Variants in RRM2 observed in about 807,000 individuals in gnomAD.
RRM2 encodes the protein ribonucleotide reductase regulatory subunit M2.
In RRM2, 6 loss-of-function variants were observed where a neutral mutation model predicts 45.9. The observed-to-expected ratio is 0.13, with a 90% CI of 0.07 to 0.26. RRM2 has a LOEUF of 0.26. Among genes scored for constraint, RRM2 ranks in the 10% least tolerant of loss-of-function variants. RRM2 has a pLI of 1.00. For synonymous variants in RRM2, 177 were observed against 173.0 expected, an observed-to-expected ratio of 1.02 and a Z score of -0.18; for missense variants, 343 against 489.5, an observed-to-expected ratio of 0.70 and a Z score of 2.82.
At chr2:10,179,533 A>G (rs1664000344) in intron 3 of RRM2, among the ~76,000 whole-genome samples, 1 of 152,182 alleles carries the variant, frequency 6.6e-6, no homozygotes, top group Non-Finnish European at 1.5e-5. Context: ...TAGTGTATAG[A>G]TTCTTTTGTG....
chr2:10,142,203 T>A, intron 2 of RRM2: 1 of 1,562,852 alleles, frequency 6.4e-7, no homozygotes. Flanking sequence ...GGAGTGGGTG[T>A]GTACATGCAG....
At chr2:10,148,307 T>C (rs1663234693) in intron 3 of RRM2, among the ~76,000 whole-genome samples, 1 of 152,124 alleles carries the variant, frequency 6.6e-6, no homozygotes, top group Admixed American at 6.5e-5. Context: ...GGTAGATTCA[T>C]TGCTCACTGT....
At position 10,185,278 on chromosome 2, in the gene RRM2, T is replaced by TGAGA. The variant is rs61555678; in HGVS notation, n.483-25019_483-25016dup. On this transcript the variant is annotated intron_variant and non_coding_transcript_variant, in intron 3 of 3. Coordinates refer to the RRM2 transcript ENST00000381786. This position sits in a 1 kb window ranked among gnomAD's most constrained non-coding sequence, Gnocchi z 4.3. The stretch of plus-strand genomic sequence containing the variant: ...GTGAAAGCGAGACAGAGCGTGAGAG[T>TGAGA]GAGAGAGAGAGAGAGAGGCAGGAGA... 6.7e-6 allele frequency among the ~76,000 whole-genome samples: 1 copy of TGAGA among 148,758 alleles called. No homozygotes were observed. The highest frequency in any genetic ancestry group is 1.5e-5 in the Non-Finnish European group (1 of 67,200).
intron 3 of RRM2, among the ~76,000 whole-genome samples, chr2:10,193,534 C>T (rs375018828): frequency 2.0e-5 from 3 of 152,246 alleles, no homozygotes; most frequent in Admixed American, 1.3e-4. Context: ...GCCAGCCGAG[C>T]GCGCCTGCAG....
rs1483990512 is a variant in RRM2 at position 10,122,745 on chromosome 2, C to T, written c.-54C>T. 8.4e-6 allele frequency: 13 copies of T among 1,554,992 alleles called. No individual in the cohort carries two copies. The highest frequency in any genetic ancestry group is 2.0e-5 in the Admixed American group (1 of 51,154). On this transcript the variant is annotated 5_prime_UTR_variant, in exon 1 of 10. Transcript: ENST00000304567. ...CTGGAGTGAGGGGTCGCCCGTGCAC[C>T]CTGTCCCAGCCGTCCTGTCCTGGCT...
Position 10,169,664 on chromosome 2 carries a change from C to G in RRM2, n.482+27289C>G, listed in dbSNP as rs1663756074. Among the ~76,000 whole-genome samples, 1 of 152,160 alleles carries G rather than the reference C, an allele frequency of 6.6e-6. No homozygotes were observed. Among genetic ancestry groups the G allele is most frequent in the Admixed American group, 6.5e-5 (1 of 15,278 alleles). The stretch of plus-strand genomic sequence containing the variant: ...ACGGCCACAGAATATGCGCCCCTTT[C>G]CTGGCCCCCTCGAGGTCTGCACAGC... On this transcript the variant is annotated intron_variant and non_coding_transcript_variant, in intron 3 of 3. Transcript: ENST00000381786. This position sits in a 1 kb window ranked among gnomAD's most constrained non-coding sequence, Gnocchi z 5.1.
At chr2:10,160,355 G>C (rs892851872) in intron 3 of RRM2, among the ~76,000 whole-genome samples, 4 of 152,310 alleles carry the variant, frequency 2.6e-5, no homozygotes, top group Admixed American at 2.0e-4. Context: ...TTAATCCCAG[G>C]GTCCCTGCTG....
intron 4 of RRM2, chr2:10,124,108 CTTTTTTTT>C (rs35723300): frequency 4.0e-6 from 1 of 251,744 alleles, no homozygotes; most frequent in Middle Eastern, 1.4e-3. Context: ...TCTGCCCCCT[CTTTTTTTT>C]TTTTTTTTTG....
chr2:10,181,546 G>T (rs1277340027), intron 3 of RRM2, among the ~76,000 whole-genome samples: 2 of 152,092 alleles, frequency 1.3e-5, no homozygotes, highest in Non-Finnish European at 2.9e-5. Flanking sequence ...CCTTTCTCCA[G>T]TTCAGGCTGG....
chr2:10,198,331 G>C (rs35990371), intron 3 of RRM2, among the ~76,000 whole-genome samples: 10,647 of 152,020 alleles, frequency 0.07, 554 homozygotes, highest in African/African-American at 0.15. Context: ...TTCTAATCCT[G>C]GGAGAAGCCC....
In RRM2 at chr2:10,195,657, C is replaced by G. The variant is rs1458943452; in HGVS notation, n.483-14654C>G. 6.6e-6 allele frequency among the ~76,000 whole-genome samples: 1 copy of G among 152,176 alleles called. No individual in the cohort carries two copies. Among genetic ancestry groups the G allele is most frequent in the Non-Finnish European group, 1.5e-5 (1 of 68,014 alleles). On this transcript the variant is annotated intron_variant and non_coding_transcript_variant, in intron 3 of 3. Transcript: ENST00000381786. This position sits in a 1 kb window ranked among gnomAD's most constrained non-coding sequence, Gnocchi z 4.9. ...GTGAGCCTCGGGTGGACCCATGTGG[C>G]AGACCTGTGAGTTGGTCCCCGACAG...
Position 10,195,116 on chromosome 2 carries a change from G to C in RRM2, n.483-15195G>C, listed in dbSNP as rs1424251439. Among the ~76,000 whole-genome samples the C allele has an allele frequency of 6.6e-6, 1 of 152,174 alleles. No individual in the cohort carries two copies. Among genetic ancestry groups the C allele is most frequent in the Non-Finnish European group, 1.5e-5 (1 of 68,026 alleles). The stretch of plus-strand genomic sequence containing the variant: ...TGGCCTTGGAAAAGGCACTTAGCAG[G>C]GTGGTGAGGGCCACAGGTGTGGTCT... On this transcript the variant is annotated intron_variant and non_coding_transcript_variant, in intron 3 of 3. Transcript: ENST00000381786. The surrounding 1 kb of genome is among the most constrained non-coding windows in gnomAD (Gnocchi z 4.9).
chr2:10,200,473 A>T lies in RRM2; in HGVS notation n.483-9838A>T, dbSNP rs1415766254. The stretch of plus-strand genomic sequence containing the variant: ...GGCCCACAGGGACCGCGCGCGCAAA[A>T]TATGAGGCCCACAGGCACCGCGCAC... On this transcript the variant is annotated intron_variant and non_coding_transcript_variant, in intron 3 of 3. Coordinates refer to the RRM2 transcript ENST00000381786. Among the ~76,000 whole-genome samples the T allele has an allele frequency of 4.6e-3, 292 of 63,150 alleles. 3 individuals carry two copies. Among genetic ancestry groups the T allele is most frequent in the South Asian group, 0.015 (22 of 1,506 alleles). 41.4% of individuals were successfully genotyped at this position (63,150 alleles called of 152,430 possible).
chr2:10,170,412 G>T (rs1027220915), intron 3 of RRM2, among the ~76,000 whole-genome samples: 4 of 152,074 alleles, frequency 2.6e-5, no homozygotes, highest in African/African-American at 9.7e-5. Flanking sequence ...ACGGTCCCTG[G>T]CTCGTGGGCG....
chr2:10,166,898 C>T (rs1023424754), intron 3 of RRM2, among the ~76,000 whole-genome samples: 2 of 152,182 alleles, frequency 1.3e-5, no homozygotes, highest in South Asian at 2.1e-4. Context: ...GGGTTGGGAG[C>T]GTGGCAATGG....
At position 10,195,928 on chromosome 2, in the gene RRM2, G is replaced by A. The variant is rs1279435361; in HGVS notation, n.483-14383G>A. Among the ~76,000 whole-genome samples the A allele has an allele frequency of 6.6e-6, 1 of 152,232 alleles. No individual in the cohort carries two copies. Among genetic ancestry groups the A allele is most frequent in the African/African-American group, 2.4e-5 (1 of 41,458 alleles). ...CCTTTTGTTCCTACCCTCACTTCCA[G>A]TGTTGAACACAGTCATGCTAGAAAT... On this transcript the variant is annotated intron_variant and non_coding_transcript_variant, in intron 3 of 3. Transcript: ENST00000381786. This position sits in a 1 kb window ranked among gnomAD's most constrained non-coding sequence, Gnocchi z 4.9.
intron 3 of RRM2, among the ~76,000 whole-genome samples, chr2:10,207,016 C>G (rs16855952): frequency 6.6e-6 from 1 of 152,120 alleles, no homozygotes; most frequent in African/African-American, 2.4e-5. Flanking sequence ...AAAGAGGTTT[C>G]GGACGGAAGG....
At chr2:10,203,488 C>T (rs942514601) in intron 3 of RRM2, among the ~76,000 whole-genome samples, 7 of 152,268 alleles carry the variant, frequency 4.6e-5, no homozygotes, top group East Asian at 1.9e-4. Context: ...CAGTGGCTCA[C>T]GCCTGTAATC....
intron 1 of RRM2, 26 bp from the exon 2 acceptor site, chr2:10,122,957 C>G (rs2125305376): frequency 1.9e-6 from 3 of 1,547,278 alleles, no homozygotes; most frequent in Non-Finnish European, 2.6e-6. Context: ...CGAAGCCGCT[C>G]CTCACTCACA....
Sources: allele counts gnomAD v4.1 joint callset (sites outside exome capture counted in the v4.1 genomes callset), GRCh38; gene constraint gnomAD v4.1.1; non-coding constraint Gnocchi (gnomAD v3.1); transcripts MANE v1.5; gene names NCBI Gene and HGNC (gene_info 2026-07-23, HGNC 2026-07-21).